Variants in LANCL1 observed in about 807,000 individuals in gnomAD.
LANCL1 encodes glutathione S-transferase LANCL1.
LANCL1 carries 50 observed loss-of-function variants against 50.6 expected under a neutral mutation model. The ratio of observed to expected loss-of-function variants is 0.99; its 90% confidence interval spans 0.79 to 1.25. The LOEUF is 1.25. Ranked by LOEUF, LANCL1 falls within the 50% of genes most tolerant of loss-of-function variation. The pLI, the probability that LANCL1 is intolerant of heterozygous loss-of-function variation, is 0.00. For missense variants in LANCL1, 532 were observed against 480.7 expected (o/e 1.11, Z -1.00); for synonymous variants, 188 against 178.6 (o/e 1.05, Z -0.42).
intron 6 of LANCL1, among the ~76,000 whole-genome samples, chr2:210,438,479 T>C (rs1485440538): frequency 1.3e-5 from 2 of 152,214 alleles, no homozygotes; most frequent in Non-Finnish European, 2.9e-5. Context: ...TCTACATACA[T>C]ATAAATAATT....
Position 210,443,928 on chromosome 2 carries a change from G to A in LANCL1, c.408-2485C>T, listed in dbSNP as rs373011215. ...AGATGGGCTGGAGGTTTGGAAGATG[G>A]TACGGGCTTTCCCACTCTTTGATGA... On this transcript the variant is annotated intron_variant, in intron 4 of 9. Coordinates refer to ENST00000450366, the MANE Select transcript of LANCL1 (RefSeq NM_006055.3). Among the ~76,000 whole-genome samples, 4 of 152,340 alleles carry A rather than the reference G, an allele frequency of 2.6e-5. No homozygotes were observed. In the East Asian group the frequency reaches 7.7e-4, roughly 29 times the overall value.
intron 4 of LANCL1, among the ~76,000 whole-genome samples, chr2:210,442,951 G>A (rs1416332563): frequency 6.6e-6 from 1 of 152,188 alleles, no homozygotes. Context: ...GACAAGGGGA[G>A]CCCTGGGAGC....
chr2:210,467,496 AT>A (rs1395287162), intron 3 of LANCL1, among the ~76,000 whole-genome samples: 1 of 152,140 alleles, frequency 6.6e-6, no homozygotes, highest in Admixed American at 6.5e-5. Flanking sequence ...CAGTAAATGT[AT>A]TTTCCCTTCC....
chr2:210,475,234 A>G (rs73071707), intron 2 of LANCL1, among the ~76,000 whole-genome samples: 5,154 of 152,270 alleles, frequency 0.034, 245 homozygotes, highest in African/African-American at 0.12. Flanking sequence ...ATATCACATA[A>G]AATGTCTTTT....
intron 3 of LANCL1, among the ~76,000 whole-genome samples, chr2:210,465,757 CT>C (rs1265752927): frequency 6.6e-6 from 1 of 152,140 alleles, no homozygotes; most frequent in Non-Finnish European, 1.5e-5. Flanking sequence ...GAAGCAGCAG[CT>C]TTTGCCAACC....
chr2:210,470,611 TA>T (rs986259031), intron 3 of LANCL1, among the ~76,000 whole-genome samples: 3 of 152,192 alleles, frequency 2.0e-5, no homozygotes, highest in African/African-American at 7.2e-5. Context: ...CATCAGAGCT[TA>T]AAAAGCTTCA....
intron 9 of LANCL1, 25 bp from the exon 10 acceptor site, chr2:210,434,588 G>A (rs371504236): frequency 6.4e-7 from 1 of 1,570,224 alleles, no homozygotes; most frequent in Non-Finnish European, 8.8e-7. Flanking sequence ...AGAGGCAAAA[G>A]TTATTATACC....
At chr2:210,454,260 ACG>A (rs928772902) in intron 4 of LANCL1, among the ~76,000 whole-genome samples, 10 of 137,252 alleles carry the variant, frequency 7.3e-5, no homozygotes, top group Non-Finnish European at 1.3e-4. Flanking sequence ...ACACACACAC[ACG>A]CCTAAACAAT....
At chr2:210,452,316 G>A (rs1383691414) in intron 4 of LANCL1, among the ~76,000 whole-genome samples, 5 of 151,612 alleles carry the variant, frequency 3.3e-5, no homozygotes, top group African/African-American at 1.2e-4. Context: ...AAGCCAGAGC[G>A]CTTCATCATT....
intron 8 of LANCL1, among the ~76,000 whole-genome samples, chr2:210,435,893 CTTTTTTTTTTT>C (rs71043994): frequency 1.6e-5 from 1 of 64,228 alleles, no homozygotes; most frequent in Non-Finnish European, 2.7e-5. Flanking sequence ...GGGAGACCTG[CTTTTTTTTTTT>C]TTTTTTTTTT....
At chr2:210,468,057 AT>A (rs1172208849) in intron 3 of LANCL1, 2 of 152,220 alleles carry the variant, frequency 1.3e-5, no homozygotes, top group African/African-American at 4.8e-5. Flanking sequence ...GTTTTACAGT[AT>A]TAAGTTTAGA....
intron 3 of LANCL1, among the ~76,000 whole-genome samples, chr2:210,466,079 G>A (rs1694049242): frequency 2.6e-5 from 4 of 152,232 alleles, no homozygotes; most frequent in African/African-American, 9.6e-5. Flanking sequence ...TGGACAACAA[G>A]AACCTTTTTT....
At chr2:210,455,928 C>T (rs866899361) in intron 3 of LANCL1, among the ~76,000 whole-genome samples, 3 of 151,952 alleles carry the variant, frequency 2.0e-5, no homozygotes, top group South Asian at 4.1e-4. Flanking sequence ...TATTCAACCC[C>T]TAGATTTTTT....
chr2:210,465,709 T>C (rs1694033113), intron 3 of LANCL1, among the ~76,000 whole-genome samples: 1 of 152,134 alleles, frequency 6.6e-6, no homozygotes, highest in East Asian at 1.9e-4. Context: ...TTGATAATTA[T>C]AGGAAGAAGT....
In LANCL1 at chr2:210,433,486, T is replaced by C. The variant is rs1692816337; in HGVS notation, c.*1001A>G. 2.0e-5 allele frequency: 3 copies of C among 152,184 alleles called. No homozygotes were observed. Among genetic ancestry groups the C allele is most frequent in the Admixed American group, 2.0e-4 (3 of 15,274 alleles). 9.4% of individuals were successfully genotyped at this position (152,184 alleles called of 1,614,324 possible). ...AAACAGAAGTAGAATACTGTACAAT[T>C]TAGTGAAAAGACCAAAGTTCAGATA... On this transcript the variant is annotated 3_prime_UTR_variant, in exon 10 of 10. Transcript: ENST00000450366.
At chr2:210,455,456 C>G in intron 3 of LANCL1, 142 bp from the exon 4 acceptor site, 1 of 682,930 alleles carries the variant, frequency 1.5e-6, no homozygotes. Context: ...GACTTTAATT[C>G]TAGGCTCAGC....
Position 210,435,425 on chromosome 2 carries a change from C to A in LANCL1, c.1085G>T (p.Gly362Val), listed in dbSNP as rs776920623. Residue 362 changes from glycine to valine, a missense_variant, in exon 9 of 10, where the codon GGA (glycine) becomes GTA (valine). By Grantham distance (109) the Gly-to-Val change is moderately radical. Transcript: ENST00000450366. ...GAAAGGGGTGTCTGGTGTTCTGCATCCATGTTCTCCATACTCTAAGCACCA... is the reference window on the plus strand; with the variant it reads ...GAAAGGGGTGTCTGGTGTTCTGCATACATGTTCTCCATACTCTAAGCACCA... ...AEWCLEYGEHGCRTPDTPFSL... is the reference protein window; with the variant it reads ...AEWCLEYGEHVCRTPDTPFSL... 2.5e-6 allele frequency: 4 copies of A among 1,613,560 alleles called. No homozygotes were observed. Among genetic ancestry groups the A allele is most frequent in the Non-Finnish European group, 2.5e-6 (3 of 1,179,622 alleles).
At chr2:210,449,343 G>C (rs1180803139) in intron 4 of LANCL1, among the ~76,000 whole-genome samples, 1 of 152,128 alleles carries the variant, frequency 6.6e-6, no homozygotes, top group East Asian at 1.9e-4. Context: ...GGTATTGATG[G>C]AATGTATCTC....
At chr2:210,462,866 T>G (rs1445428202) in intron 3 of LANCL1, among the ~76,000 whole-genome samples, 6 of 152,236 alleles carry the variant, frequency 3.9e-5, no homozygotes, top group Non-Finnish European at 8.8e-5. Context: ...TTATTTCTTT[T>G]AATAAAACAC....
Sources: allele counts gnomAD v4.1 joint callset (sites outside exome capture counted in the v4.1 genomes callset), GRCh38; gene constraint gnomAD v4.1.1; transcripts MANE v1.5; gene names NCBI Gene and HGNC (gene_info 2026-07-23, HGNC 2026-07-21).